COX7B2: variants seen among roughly 807,000 people sequenced by gnomAD.
COX7B2 encodes cytochrome c oxidase subunit 7B2, mitochondrial.
For missense variants in COX7B2, 109 were observed against 95.9 expected (o/e 1.14, Z -0.57); for synonymous variants, 37 against 32.1 (o/e 1.15, Z -0.51).
At chr4:46,750,624 T>TGATACCACTTCTTC (rs1218042914) in intron 2 of COX7B2, among the ~76,000 whole-genome samples, 13 of 152,272 alleles carry the variant, frequency 8.5e-5, no homozygotes, top group African/African-American at 3.1e-4. Flanking sequence ...CTAACTTCTT[T>TGATACCACTTCTTC]GATACCACTT....
intron 1 of COX7B2, among the ~76,000 whole-genome samples, chr4:46,865,310 T>G (rs539593310): frequency 6.6e-6 from 1 of 152,234 alleles, no homozygotes; most frequent in African/African-American, 2.4e-5. Context: ...GAGTAGTAAG[T>G]AGTCCATGGT....
rs552803258 is a variant in COX7B2, at chr4:46,734,958, T to C, written c.235A>G (p.Lys79Glu). The C allele has an allele frequency of 3.1e-6, 5 of 1,614,036 alleles. No individual in the cohort carries two copies. The South Asian group carries it at 5.5e-5, about 18-fold the overall frequency. ...PVGRVTPKEW[K>E]HQ ...AGCAACTGTGATGGTTACTGATGTTTCCACTCTTTTGGGGTAACTCTGCCA... is the reference window on the plus strand; with the variant it reads ...AGCAACTGTGATGGTTACTGATGTTCCCACTCTTTTGGGGTAACTCTGCCA... The change falls in exon 3 of 3, where the codon AAA becomes GAA. Residue 79 changes from lysine (K) to glutamate (E), a missense_variant. Transcript: ENST00000355591.
At chr4:46,898,349 T>C (rs1719888925) in intron 1 of COX7B2, among the ~76,000 whole-genome samples, 1 of 152,156 alleles carries the variant, frequency 6.6e-6, no homozygotes, top group Admixed American at 6.5e-5. Flanking sequence ...GATGCTCTTA[T>C]CATTTACTCT....
At chr4:46,815,250 T>C (rs1438099377) in intron 2 of COX7B2, among the ~76,000 whole-genome samples, 1 of 152,042 alleles carries the variant, frequency 6.6e-6, no homozygotes, top group African/African-American at 2.4e-5. Flanking sequence ...AATAATCATC[T>C]CCAACTGGGG....
intron 2 of COX7B2, among the ~76,000 whole-genome samples, chr4:46,742,400 GT>G (rs1389970252): frequency 6.6e-6 from 1 of 152,108 alleles, no homozygotes; most frequent in Non-Finnish European, 1.5e-5. Context: ...TTATGTATTT[GT>G]CAGCAGATGA....
chr4:46,833,651 T>C (rs1446204159), intron 2 of COX7B2, among the ~76,000 whole-genome samples: 2 of 152,098 alleles, frequency 1.3e-5, no homozygotes, highest in East Asian at 3.9e-4. Context: ...GAAACATTGA[T>C]GGGAATTGAT....
chr4:46,760,706 A>T (rs1716097587), intron 2 of COX7B2, among the ~76,000 whole-genome samples: 1 of 152,204 alleles, frequency 6.6e-6, no homozygotes, highest in East Asian at 1.9e-4. Context: ...TTATAGTTAA[A>T]AAAGGAATGC....
At chr4:46,907,764 A>T (rs578079412) in intron 1 of COX7B2, among the ~76,000 whole-genome samples, 2 of 151,348 alleles carry the variant, frequency 1.3e-5, no homozygotes, top group African/African-American at 4.8e-5. Context: ...AAGTCAGATA[A>T]CTCCAAGACT....
At chr4:46,754,288 C>T (rs990055210) in intron 2 of COX7B2, among the ~76,000 whole-genome samples, 1 of 151,288 alleles carries the variant, frequency 6.6e-6, no homozygotes, top group African/African-American at 2.4e-5. Flanking sequence ...GCACTATTCA[C>T]AATAGCAAAG....
At chr4:46,785,266 AAAC>A (rs1717688583) in intron 2 of COX7B2, among the ~76,000 whole-genome samples, 1 of 152,240 alleles carries the variant, frequency 6.6e-6, no homozygotes, top group Admixed American at 6.5e-5. Context: ...AATGATGTAG[AAAC>A]AACTACCAAA....
chr4:46,755,431 T>C (rs1414107085), intron 2 of COX7B2, among the ~76,000 whole-genome samples: 3 of 151,978 alleles, frequency 2.0e-5, no homozygotes, highest in Admixed American at 1.3e-4. Flanking sequence ...ACTTTCACCA[T>C]TGTTATTCAA....
At chr4:46,889,899 GTT>G (rs35632610) in intron 1 of COX7B2, among the ~76,000 whole-genome samples, 2 of 140,276 alleles carry the variant, frequency 1.4e-5, no homozygotes, top group African/African-American at 2.6e-5. Context: ...TTTCAGTATG[GTT>G]TTTTTTTTTT....
intron 1 of COX7B2, among the ~76,000 whole-genome samples, chr4:46,868,967 G>A (rs116047429): frequency 2.0e-5 from 3 of 152,148 alleles, no homozygotes; most frequent in Admixed American, 2.0e-4. Flanking sequence ...ACTGTCAGTC[G>A]AGTGTTACAG....
At chr4:46,833,284 T>C (rs1715285298) in intron 2 of COX7B2, among the ~76,000 whole-genome samples, 1 of 152,220 alleles carries the variant, frequency 6.6e-6, no homozygotes. Flanking sequence ...TAACACAGTA[T>C]GTCCTGGCAT....
intron 2 of COX7B2, among the ~76,000 whole-genome samples, chr4:46,749,989 A>G (rs1221450050): frequency 6.6e-6 from 1 of 152,176 alleles, no homozygotes; most frequent in Non-Finnish European, 1.5e-5. Context: ...GAGTATGCCA[A>G]AGGACACAGA....
At chr4:46,899,162 T>G (rs1399433642) in intron 1 of COX7B2, among the ~76,000 whole-genome samples, 1 of 152,196 alleles carries the variant, frequency 6.6e-6, no homozygotes, top group African/African-American at 2.4e-5. Flanking sequence ...TACTCCAACC[T>G]ACCTGTATTG....
In COX7B2 at chr4:46,824,184, C is replaced by G. The variant is rs149369346; in HGVS notation, c.-50+20776G>C. Among the ~76,000 whole-genome samples the G allele has an allele frequency of 7.7e-3, 1,178 of 152,156 alleles. 17 individuals are homozygous for G. The highest frequency in any genetic ancestry group is 0.027 in the African/African-American group (1,135 of 41,500). On this transcript the variant is annotated intron_variant, in intron 2 of 2. Transcript: ENST00000355591. ...ATGGAATTAGTAATAAATAGCCTACCATTACCAAAAAAAGCCCAGGACCTG... is the reference window on the plus strand; with the variant it reads ...ATGGAATTAGTAATAAATAGCCTACGATTACCAAAAAAAGCCCAGGACCTG...
At chr4:46,738,017 GAC>G (rs1714469613) in intron 2 of COX7B2, among the ~76,000 whole-genome samples, 1 of 152,118 alleles carries the variant, frequency 6.6e-6, no homozygotes. Context: ...CCCACCCAAA[GAC>G]ACCAAGGTTT....
rs1403671062 is a variant in COX7B2, at chr4:46,754,527, C to T, written c.-49-19286G>A. 2.7e-4 allele frequency among the ~76,000 whole-genome samples: 24 copies of T among 89,418 alleles called. No individual in the cohort carries two copies. The South Asian group carries it at 3.6e-3, about 13-fold the overall frequency. The allele number at this position is 89,418 out of a possible 152,430, so 58.7% of individuals were successfully genotyped here. A position where few individuals can be genotyped will look rare whatever the true frequency, so the allele number is the denominator to read the frequency against. On this transcript the variant is annotated intron_variant, in intron 2 of 2. Transcript: ENST00000355591. ...GAACTGAACAATGAGAACACTTGGA[C>T]ACAGGAAGGGGTGGGGGGTGGGGGG...
Sources: gnomAD v4.1 joint callset for allele counts (sites outside exome capture counted in the v4.1 genomes callset) on GRCh38, gnomAD v4.1.1 for gene constraint, MANE v1.5 for transcripts, NCBI Gene and HGNC (gene_info 2026-07-23, HGNC 2026-07-21) for gene names.